The following CCDC7 variants were observed in gnomAD, a reference collection of about 807,000 sequenced individuals.
CCDC7 encodes the protein coiled-coil domain-containing protein 7.
A neutral mutation model predicts 196.9 loss-of-function variants in CCDC7; 183 were observed. That is an observed-to-expected ratio of 0.93 (90% CI 0.82 to 1.05). The LOEUF (loss-of-function observed/expected upper bound fraction) is 1.05. Among genes scored for constraint, CCDC7 ranks in the 50% least tolerant of loss-of-function variants. CCDC7 has a pLI of 0.00. For synonymous variants in CCDC7, 525 were observed against 484.6 expected, an observed-to-expected ratio of 1.08 and a Z score of -1.10; for missense variants, 1,540 against 1,482.2, an observed-to-expected ratio of 1.04 and a Z score of -0.64.
intron 41 of CCDC7, among the ~76,000 whole-genome samples, chr10:32,863,886 A>AAAATAAAAAAAT (rs2094105191): frequency 6.8e-6 from 1 of 147,374 alleles, no homozygotes; most frequent in Admixed American, 6.8e-5. Context: ...GCTAAAAAAC[A>AAAATAAAAAAAT]AAATAAATAA....
Position 32,861,621 on chromosome 10 carries a change from T to G in CCDC7, c.4111+7132T>G, listed in dbSNP as rs1282228988. Among the ~76,000 whole-genome samples the G allele has an allele frequency of 2.0e-5, 3 of 152,170 alleles. No homozygotes were observed. In the South Asian group the frequency reaches 6.2e-4, roughly 32 times the overall value. The stretch of plus-strand genomic sequence containing the variant: ...TGCACAGCAAAAGAAACTATCATCA[T>G]AGTGAACAGGCAACCTACAGAATGG... On this transcript the variant is annotated intron_variant, in intron 41 of 41. Coordinates refer to ENST00000639629, the Ensembl canonical transcript of CCDC7.
chr10:32,777,906 C>G (rs1398908288), intron 28 of CCDC7, among the ~76,000 whole-genome samples: 1 of 152,134 alleles, frequency 6.6e-6, no homozygotes, highest in African/African-American at 2.4e-5. Context: ...GAGATGGTAT[C>G]TCATTGTGGT....
chr10:32,682,005 C>G (rs2075925034), intron 21 of CCDC7, among the ~76,000 whole-genome samples: 1 of 152,050 alleles, frequency 6.6e-6, no homozygotes, highest in Non-Finnish European at 1.5e-5. Flanking sequence ...CCAATTGTAT[C>G]AGCATCATTA....
downstream of CCDC7, among the ~76,000 whole-genome samples, chr10:32,879,761 A>G (rs1342544): frequency 0.37 from 50,719 of 137,816 alleles, 11,331 homozygotes; most frequent in Non-Finnish European, 0.51. Flanking sequence ...GTGTCCATGC[A>G]TTCTCATTGT....
intron 13 of CCDC7, among the ~76,000 whole-genome samples, chr10:32,563,816 A>G (rs2056249008): frequency 6.6e-6 from 1 of 152,012 alleles, no homozygotes; most frequent in South Asian, 2.1e-4. Context: ...TAATTAAACT[A>G]AAGAGCTTCT....
At chr10:32,537,029 G>A (rs1390781574) in intron 11 of CCDC7, among the ~76,000 whole-genome samples, 1 of 152,124 alleles carries the variant, frequency 6.6e-6, no homozygotes, top group Non-Finnish European at 1.5e-5. Context: ...CAATGAGATT[G>A]CTGGGTCAAA....
At chr10:32,619,757 T>C (rs2063174707) in intron 18 of CCDC7, among the ~76,000 whole-genome samples, 1 of 151,964 alleles carries the variant, frequency 6.6e-6, no homozygotes, top group Admixed American at 6.6e-5. Context: ...CATGCCAGTC[T>C]ATTTTTAAAA....
At chr10:32,745,429 G>GT in intron 28 of CCDC7, among the ~76,000 whole-genome samples, 1 of 152,344 alleles carries the variant, frequency 6.6e-6, no homozygotes, top group African/African-American at 2.4e-5. Flanking sequence ...AACTCACAAT[G>GT]TAAGGGGAAG....
intron 13 of CCDC7, among the ~76,000 whole-genome samples, chr10:32,558,843 C>G (rs746498845): frequency 4.6e-5 from 7 of 152,168 alleles, no homozygotes; most frequent in Non-Finnish European, 8.8e-5. Flanking sequence ...GTGCACCATG[C>G]GTGAGCCGAA....
chr10:32,821,028 C>T (rs1227089769), intron 31 of CCDC7, among the ~76,000 whole-genome samples: 1 of 152,122 alleles, frequency 6.6e-6, no homozygotes, highest in African/African-American at 2.4e-5. Flanking sequence ...AGTGAACAGG[C>T]AACCTACAGA....
At chr10:32,786,596 A>T (rs188880923) in intron 29 of CCDC7, among the ~76,000 whole-genome samples, 3 of 152,158 alleles carry the variant, frequency 2.0e-5, no homozygotes, top group Non-Finnish European at 2.9e-5. Context: ...CTTCATCTCT[A>T]CTAAAAATAC....
intron 20 of CCDC7, among the ~76,000 whole-genome samples, chr10:32,650,888 A>C (rs903468405): frequency 6.6e-6 from 1 of 152,076 alleles, no homozygotes; most frequent in Non-Finnish European, 1.5e-5. Context: ...CATTATGTAC[A>C]TTCTCTTACG....
intron 28 of CCDC7, among the ~76,000 whole-genome samples, chr10:32,757,764 G>GA (rs1252204138): frequency 1.3e-5 from 2 of 152,178 alleles, no homozygotes; most frequent in Non-Finnish European, 1.5e-5. Flanking sequence ...GAGCAGAACT[G>GA]AAGGAGATAG....
rs117729519 is a variant in CCDC7 at position 32,874,676 on chromosome 10, C to T, written c.4112-1671C>T. 3.2e-3 allele frequency among the ~76,000 whole-genome samples: 484 copies of T among 149,520 alleles called. 19 individuals are homozygous for T. The East Asian group carries it at 0.063, about 20-fold the overall frequency. On this transcript the variant is annotated intron_variant, in intron 41 of 41. Transcript: ENST00000639629. ...GTGTATGTATATATATATATACATA[C>T]ACACACACACATACACACATATGTA...
intron 24 of CCDC7, among the ~76,000 whole-genome samples, chr10:32,701,662 TGGTAGGCTACTAATTATTGCCTC>T (rs1391509209): frequency 3.9e-5 from 6 of 152,216 alleles, no homozygotes; most frequent in African/African-American, 1.4e-4. Context: ...TTTTTTAGGT[TGGTAGGCTACTAATTATTGCCTC>T]AATTTCAGAG....
intron 18 of CCDC7, among the ~76,000 whole-genome samples, chr10:32,628,217 CTACTGTTCAGATTTTT>C (rs763786272): frequency 9.2e-5 from 14 of 151,974 alleles, no homozygotes; most frequent in East Asian, 5.8e-4. Context: ...TTCAGATTTT[CTACTGTTCAGATTTTT>C]TACTGATTTA....
chr10:32,714,469 G>C (rs181337558), intron 25 of CCDC7, among the ~76,000 whole-genome samples: 38 of 152,244 alleles, frequency 2.5e-4, no homozygotes, highest in Non-Finnish European at 4.6e-4. Flanking sequence ...CACAAAACTG[G>C]GCAGCTGTTT....
chr10:32,662,535 A>T lies in CCDC7; in HGVS notation c.2015-1519A>T, dbSNP rs188998546. On this transcript the variant is annotated intron_variant, in intron 20 of 41. Coordinates refer to ENST00000639629, the Ensembl canonical transcript of CCDC7. The stretch of plus-strand genomic sequence containing the variant: ...TCTGTGTTGTGCCCCCATGACTATT[A>T]AATGATGATAAGCATCTAATGGAGA... Among the ~76,000 whole-genome samples, 1,005 of 150,258 alleles carry T rather than the reference A, an allele frequency of 6.7e-3. 4 individuals are homozygous for T. Among genetic ancestry groups the T allele is most frequent in the Non-Finnish European group, 0.011 (748 of 67,988 alleles).
intron 28 of CCDC7, among the ~76,000 whole-genome samples, chr10:32,737,455 T>G (rs75141284): frequency 6.6e-6 from 1 of 152,294 alleles, no homozygotes; most frequent in South Asian, 2.1e-4. Context: ...ATAAGATCTG[T>G]CTTACTGAGT....
Sources: gnomAD v4.1 joint callset for allele counts (sites outside exome capture counted in the v4.1 genomes callset) on GRCh38, gnomAD v4.1.1 for gene constraint, MANE v1.5 for transcripts, NCBI Gene and HGNC (gene_info 2026-07-23, HGNC 2026-07-21) for gene names.